SUGCT: variants seen among roughly 807,000 people sequenced by gnomAD.
SUGCT encodes the protein succinyl-CoA:glutarate CoA-transferase.
SUGCT carries 41 observed loss-of-function variants against 55.0 expected under a neutral mutation model. The ratio of observed to expected loss-of-function variants is 0.74; its 90% CI spans 0.58 to 0.97. SUGCT has a LOEUF of 0.97. SUGCT is among the 50% of genes least tolerant of loss of function. The pLI, the probability that SUGCT is intolerant of heterozygous loss-of-function variation, is 0.00. For synonymous variants in SUGCT, 187 were observed against 200.4 expected (o/e 0.93, Z 0.56); for missense variants, 568 against 547.8 (o/e 1.04, Z -0.37).
At chr7:40,996,715 AG>A in the SUGCT span, among the ~76,000 whole-genome samples, 4 of 152,126 alleles carry the variant, frequency 2.6e-5, no homozygotes, top group Non-Finnish European at 5.9e-5. Context: ...TTTCCACTGG[AG>A]GTTAATTTAA....
At chr7:40,690,507 C>T (rs1784647312) in intron 12 of SUGCT, among the ~76,000 whole-genome samples, 1 of 152,056 alleles carries the variant, frequency 6.6e-6, no homozygotes, top group African/African-American at 2.4e-5. Context: ...ACTACTTTCT[C>T]ATAATTCTTG....
At chr7:40,819,854 A>G (rs1584486680) in intron 13 of SUGCT, among the ~76,000 whole-genome samples, 1 of 152,264 alleles carries the variant, frequency 6.6e-6, no homozygotes, top group East Asian at 1.9e-4. Flanking sequence ...CCTGAATGGT[A>G]TTGCCTAGGT....
rs535201087 is a variant in SUGCT, at chr7:40,217,514, C to T, written c.485-20121C>T. 5 of 404,132 alleles carry T rather than the reference C, an allele frequency of 1.2e-5. No individual in the cohort carries two copies. The East Asian group carries it at 4.1e-4, about 33-fold the overall frequency. 25.0% of individuals were successfully genotyped at this position (404,132 alleles called of 1,614,324 possible). A position where few individuals can be genotyped will look rare whatever the true frequency, so the allele number is the denominator to read the frequency against. ...GGAATGAGCCACCGCGCCTGGCCAACTTCCTGAATTATCGTTGTCTCCACA... is the reference window on the plus strand; with the variant it reads ...GGAATGAGCCACCGCGCCTGGCCAATTTCCTGAATTATCGTTGTCTCCACA... On this transcript the variant is annotated intron_variant, in intron 6 of 13. Coordinates refer to ENST00000335693, the MANE Select transcript of SUGCT (RefSeq NM_001193313.2).
chr7:40,656,472 T>C (rs527524571), intron 12 of SUGCT, among the ~76,000 whole-genome samples: 1 of 152,350 alleles, frequency 6.6e-6, no homozygotes, highest in Non-Finnish European at 1.5e-5. Flanking sequence ...AGGTTATTCT[T>C]TCTTGTTTTA....
chr7:40,590,365 T>C (rs1256205128), intron 12 of SUGCT, among the ~76,000 whole-genome samples: 1 of 152,174 alleles, frequency 6.6e-6, no homozygotes, highest in Admixed American at 6.5e-5. Context: ...CTAGAAATGA[T>C]TGAGCTTAGT....
chr7:40,835,973 G>T (rs1406424571), intron 13 of SUGCT, among the ~76,000 whole-genome samples: 1 of 149,018 alleles, frequency 6.7e-6, no homozygotes, highest in African/African-American at 2.5e-5. Context: ...GCTCACTGCA[G>T]CCTTGATTTC....
chr7:40,572,533 A>C (rs1163629262), intron 12 of SUGCT, among the ~76,000 whole-genome samples: 1 of 152,134 alleles, frequency 6.6e-6, no homozygotes, highest in Non-Finnish European at 1.5e-5. Flanking sequence ...TGAGCCCCCC[A>C]GCAAGTAGTG....
chr7:40,318,134 T>G (rs1450887330), intron 9 of SUGCT, among the ~76,000 whole-genome samples: 1 of 152,230 alleles, frequency 6.6e-6, no homozygotes, highest in African/African-American at 2.4e-5. Context: ...GTCTTTTTGT[T>G]TTTCAGATAA....
chr7:40,598,008 A>G (rs960966855), intron 12 of SUGCT, among the ~76,000 whole-genome samples: 1 of 152,156 alleles, frequency 6.6e-6, no homozygotes, highest in African/African-American at 2.4e-5. Context: ...AAAGACTGAA[A>G]AGTCATATTA....
intron 12 of SUGCT, among the ~76,000 whole-genome samples, chr7:40,634,953 A>G (rs1329873044): frequency 6.6e-6 from 1 of 152,192 alleles, no homozygotes; most frequent in Non-Finnish European, 1.5e-5. Flanking sequence ...TTAGGAGAAT[A>G]AATAATAGAT....
chr7:40,718,549 A>G (rs1176557775), intron 12 of SUGCT, among the ~76,000 whole-genome samples: 1 of 152,200 alleles, frequency 6.6e-6, no homozygotes, highest in African/African-American at 2.4e-5. Flanking sequence ...TATTTGTCAA[A>G]CATTTATACA....
chr7:40,788,263 G>C (rs78307419), intron 13 of SUGCT, among the ~76,000 whole-genome samples: 1 of 152,214 alleles, frequency 6.6e-6, no homozygotes, highest in Non-Finnish European at 1.5e-5. Flanking sequence ...GTCAAAGGAG[G>C]CTTCCTAAGA....
intron 1 of SUGCT, among the ~76,000 whole-genome samples, chr7:40,176,667 G>A (rs765909818): frequency 4.0e-5 from 6 of 150,726 alleles, no homozygotes; most frequent in Non-Finnish European, 7.4e-5. Flanking sequence ...AGGCACTATC[G>A]GTAGAGATAA....
intron 9 of SUGCT, among the ~76,000 whole-genome samples, chr7:40,382,221 A>C (rs1346369214): frequency 6.6e-6 from 1 of 152,164 alleles, no homozygotes; most frequent in Non-Finnish European, 1.5e-5. Context: ...TAGACTGAAT[A>C]GGTTTTTCAA....
At chr7:40,458,873 G>A (rs1203517678) in intron 10 of SUGCT, among the ~76,000 whole-genome samples, 1 of 152,074 alleles carries the variant, frequency 6.6e-6, no homozygotes, top group Admixed American at 6.5e-5. Context: ...CTATATGTAA[G>A]AATATTTGCT....
chr7:40,277,871 G>T lies in SUGCT; in HGVS notation c.720+3215G>T, dbSNP rs554047203. ...ACCCCACAACAGTCCCCAGAGTGTG[G>T]TGTTCCCCTTCCTGTCTCCATGTGT... On this transcript the variant is annotated intron_variant, in intron 8 of 13. Transcript: ENST00000335693. Among the ~76,000 whole-genome samples the T allele has an allele frequency of 2.9e-4, 44 of 152,016 alleles. No individual in the cohort carries two copies. The South Asian group carries it at 7.7e-3, about 27-fold the overall frequency.
Position 40,215,793 on chromosome 7 carries a change from C to T in SUGCT, c.484+20733C>T, listed in dbSNP as rs551270081. 1.9e-4 allele frequency among the ~76,000 whole-genome samples: 28 copies of T among 151,032 alleles called. No individual in the cohort carries two copies. The South Asian group carries it at 4.8e-3, about 26-fold the overall frequency. ...AGGAGAATGGTGTGAACCCGGGAGG[C>T]GGAGCTTGCAGTGAGCCGAGATCGC... On this transcript the variant is annotated intron_variant, in intron 6 of 13. Transcript: ENST00000335693.
chr7:40,202,164 G>A (rs1169335837), intron 6 of SUGCT, among the ~76,000 whole-genome samples: 2 of 152,068 alleles, frequency 1.3e-5, no homozygotes, highest in Non-Finnish European at 2.9e-5. Flanking sequence ...GTAGAGATGG[G>A]GTTTCACCAT....
chr7:40,752,937 G>A (rs1342870881), intron 13 of SUGCT, among the ~76,000 whole-genome samples: 2 of 151,970 alleles, frequency 1.3e-5, no homozygotes, highest in Non-Finnish European at 2.9e-5. Flanking sequence ...TCTTTCTATA[G>A]AATTATCAAT....
Sources: allele counts gnomAD v4.1 joint callset (sites outside exome capture counted in the v4.1 genomes callset), GRCh38; gene constraint gnomAD v4.1.1; transcripts MANE v1.5; gene names NCBI Gene and HGNC (gene_info 2026-07-23, HGNC 2026-07-21).